The following ADAMTS3 variants were observed in gnomAD, a reference collection of about 807,000 sequenced individuals.
ADAMTS3 encodes ADAM metallopeptidase with thrombospondin type 1 motif 3, also known as A disintegrin and metalloproteinase with thrombospondin motifs 3.
ADAMTS3 carries 73 observed loss-of-function variants against 129.0 expected under a neutral mutation model. The observed-to-expected ratio is 0.57, with a 90% CI of 0.47 to 0.69. ADAMTS3 has a LOEUF of 0.69. ADAMTS3 is among the 30% of genes least tolerant of loss of function. ADAMTS3 has a pLI of 0.00. For synonymous variants in ADAMTS3, 477 were observed against 510.8 expected, an observed-to-expected ratio of 0.93 and a Z score of 0.89; for missense variants, 1,457 against 1,514.5, an observed-to-expected ratio of 0.96 and a Z score of 0.63.
At position 72,306,087 on chromosome 4, in the gene ADAMTS3, A is replaced by G. The variant is rs753756816; in HGVS notation, c.2180-20T>C. 5.7e-6 allele frequency: 9 copies of G among 1,569,782 alleles called. No homozygotes were observed. In the South Asian group the frequency reaches 1.1e-4, roughly 18 times the overall value. Reference sequence around the variant, plus strand: ...GGTACCCTTTGCATGTGTAGTAAATATTGTAGGAAGCAAAGAAGAAAACAA... The same window carrying G: ...GGTACCCTTTGCATGTGTAGTAAATGTTGTAGGAAGCAAAGAAGAAAACAA... On this transcript the variant is annotated intron_variant, in intron 15 of 21. Transcript: ENST00000286657.
chr4:72,497,952 G>A (rs190726229), intron 3 of ADAMTS3, among the ~76,000 whole-genome samples: 1 of 152,072 alleles, frequency 6.6e-6, no homozygotes, highest in East Asian at 1.9e-4. Flanking sequence ...TTTCATGCTT[G>A]AGGCTTTCAA....
chr4:72,369,855 A>G (rs1299037865), intron 4 of ADAMTS3, among the ~76,000 whole-genome samples: 1 of 152,168 alleles, frequency 6.6e-6, no homozygotes, highest in African/African-American at 2.4e-5. Context: ...GACATTCTTA[A>G]AAGCAGGCTT....
At chr4:72,460,343 T>C (rs2109983032) in intron 3 of ADAMTS3, among the ~76,000 whole-genome samples, 1 of 151,608 alleles carries the variant, frequency 6.6e-6, no homozygotes, top group East Asian at 1.9e-4. Flanking sequence ...ATTTTAACCA[T>C]TTGAAAGCAA....
intron 2 of ADAMTS3, among the ~76,000 whole-genome samples, chr4:72,563,116 T>A (rs896874698): frequency 1.4e-4 from 21 of 152,240 alleles, no homozygotes; most frequent in African/African-American, 4.8e-4. Context: ...TGAGCAATAT[T>A]ATAATTATTT....
chr4:72,401,688 T>C (rs1721927254), intron 4 of ADAMTS3, among the ~76,000 whole-genome samples: 1 of 150,656 alleles, frequency 6.6e-6, no homozygotes, highest in Non-Finnish European at 1.5e-5. Context: ...TATAAGATTA[T>C]AAAACCATCA....
At position 72,461,938 on chromosome 4, in the gene ADAMTS3, G is replaced by A. The variant is rs556499478; in HGVS notation, c.505-46967C>T. 4.0e-5 allele frequency among the ~76,000 whole-genome samples: 6 copies of A among 151,662 alleles called. No individual in the cohort carries two copies. In the South Asian group the frequency reaches 6.2e-4, roughly 16 times the overall value. On this transcript the variant is annotated intron_variant, in intron 3 of 21. Coordinates refer to ENST00000286657, the MANE Select transcript of ADAMTS3 (RefSeq NM_014243.3). The stretch of plus-strand genomic sequence containing the variant: ...TCCTTTCTCTACTTCATCCTTTATC[G>A]CTCCTTTCATTACTAGTTCAGTCAT...
intron 3 of ADAMTS3, among the ~76,000 whole-genome samples, chr4:72,512,156 T>C (rs1193628316): frequency 1.3e-5 from 2 of 151,910 alleles, no homozygotes; most frequent in Non-Finnish European, 2.9e-5. Flanking sequence ...GATCAGTAAA[T>C]GGGTATAAAA....
chr4:72,443,228 A>G (rs1718164538), intron 3 of ADAMTS3, among the ~76,000 whole-genome samples: 1 of 151,734 alleles, frequency 6.6e-6, no homozygotes, highest in Non-Finnish European at 1.5e-5. Flanking sequence ...TCACCAGGAC[A>G]AAGTCAGTTT....
chr4:72,385,427 GTAC>G (rs1243894474), intron 4 of ADAMTS3, among the ~76,000 whole-genome samples: 1 of 151,816 alleles, frequency 6.6e-6, no homozygotes, highest in Non-Finnish European at 1.5e-5. Context: ...AGGTACACAG[GTAC>G]GAAGAGCAGG....
Position 72,337,910 on chromosome 4 carries a change from C to G in ADAMTS3, c.861+1584G>C, listed in dbSNP as rs984481960. ...TTACTCCAAAAGCCTTCTTATTAGG[C>G]ACATTTGCAAGCCAAATAAGTCTGT... is the stretch of plus-strand genomic sequence containing the variant. On this transcript the variant is annotated intron_variant, in intron 5 of 21. Coordinates refer to ENST00000286657, the MANE Select transcript of ADAMTS3 (RefSeq NM_014243.3). Among the ~76,000 whole-genome samples, 19 of 152,154 alleles carry G rather than the reference C, an allele frequency of 1.2e-4. No homozygotes were observed. The East Asian group carries it at 3.5e-3, about 28-fold the overall frequency.
intron 2 of ADAMTS3, among the ~76,000 whole-genome samples, chr4:72,558,510 G>GGTCA (rs1721822110): frequency 6.6e-6 from 1 of 151,634 alleles, no homozygotes; most frequent in African/African-American, 2.4e-5. Context: ...GCTATTTTAA[G>GGTCA]GTCATTTGAT....
intron 4 of ADAMTS3, among the ~76,000 whole-genome samples, chr4:72,379,228 T>C (rs1291155835): frequency 6.6e-6 from 1 of 152,094 alleles, no homozygotes; most frequent in Non-Finnish European, 1.5e-5. Context: ...GGAGATCTTG[T>C]GAATGGAATT....
chr4:72,402,205 CTT>C (rs1290357212), intron 4 of ADAMTS3, among the ~76,000 whole-genome samples: 6 of 152,144 alleles, frequency 3.9e-5, no homozygotes, highest in African/African-American at 1.4e-4. Flanking sequence ...ACCCAAGCAT[CTT>C]TGAATATTCA....
chr4:72,504,778 C>T (rs1720114791), intron 3 of ADAMTS3, among the ~76,000 whole-genome samples: 1 of 151,984 alleles, frequency 6.6e-6, no homozygotes, highest in African/African-American at 2.4e-5. Flanking sequence ...AATTCTTTTT[C>T]TTTATTGTTA....
intron 11 of ADAMTS3, among the ~76,000 whole-genome samples, chr4:72,314,068 T>C (rs1312420651): frequency 1.3e-5 from 2 of 152,156 alleles, no homozygotes; most frequent in Non-Finnish European, 2.9e-5. Flanking sequence ...AGTTTTTAAA[T>C]GATACATTCA....
At chr4:72,560,179 A>G (rs886255681) in intron 2 of ADAMTS3, among the ~76,000 whole-genome samples, 13 of 148,362 alleles carry the variant, frequency 8.8e-5, no homozygotes, top group Admixed American at 7.9e-4. Context: ...TTAAAAATTA[A>G]CTCAAGATGG....
chr4:72,484,190 A>G (rs963664500), intron 3 of ADAMTS3, among the ~76,000 whole-genome samples: 8 of 152,216 alleles, frequency 5.3e-5, no homozygotes, highest in Non-Finnish European at 1.2e-4. Context: ...AAAAGCAAAA[A>G]GATAATAACA....
At chr4:72,443,125 T>C (rs1718162830) in intron 3 of ADAMTS3, among the ~76,000 whole-genome samples, 1 of 151,670 alleles carries the variant, frequency 6.6e-6, no homozygotes, top group Non-Finnish European at 1.5e-5. Flanking sequence ...GAAGTAATTT[T>C]CATAATTTAG....
chr4:72,418,083 T>C (rs1038055111), intron 3 of ADAMTS3, among the ~76,000 whole-genome samples: 2 of 152,106 alleles, frequency 1.3e-5, no homozygotes. Context: ...GAGTATGCTA[T>C]GGAAAGTGCA....
Sources: allele counts gnomAD v4.1 joint callset (sites outside exome capture counted in the v4.1 genomes callset), GRCh38; gene constraint gnomAD v4.1.1; transcripts MANE v1.5; gene names NCBI Gene and HGNC (gene_info 2026-07-23, HGNC 2026-07-21).